Variants in NF1 observed in about 807,000 individuals in gnomAD.
The protein encoded by NF1 is neurofibromin.
A neutral mutation model predicts 325.7 loss-of-function variants in NF1; 122 were observed. The ratio of observed to expected loss-of-function variants is 0.37; its 90% CI spans 0.32 to 0.44. The LOEUF (loss-of-function observed/expected upper bound fraction) is 0.44. Among genes scored for constraint, NF1 ranks in the 20% least tolerant of loss-of-function variants. The probability of loss-of-function intolerance (pLI) is 1.00; values close to 1 mark genes in which losing one functional copy is unlikely to be tolerated. For synonymous variants in NF1, 1,091 were observed against 1,186.0 expected, an observed-to-expected ratio of 0.92 and a Z score of 1.65; for missense variants, 2,140 against 3,415.4, an observed-to-expected ratio of 0.63 and a Z score of 9.31.
chr17:31,177,722 T>C (rs974456680), intron 5 of NF1, among the ~76,000 whole-genome samples: 4 of 151,778 alleles, frequency 2.6e-5, no homozygotes, highest in Admixed American at 6.6e-5. Flanking sequence ...TCGTGAAGCA[T>C]ACACAAGTAT....
At chr17:31,163,815 G>A (rs2065802767) in intron 4 of NF1, among the ~76,000 whole-genome samples, 1 of 152,190 alleles carries the variant, frequency 6.6e-6, no homozygotes, top group African/African-American at 2.4e-5. Flanking sequence ...AATAATTAAT[G>A]AGAGTAGTCA....
At chr17:31,234,670 CAAAAAAAAA>C (rs754308242) in intron 27 of NF1, among the ~76,000 whole-genome samples, 4 of 56,236 alleles carry the variant, frequency 7.1e-5, no homozygotes, top group African/African-American at 1.2e-4. Context: ...GACTCTGTCT[CAAAAAAAAA>C]AAAAAAAAAA....
At chr17:31,342,352 C>G (rs1326373342) in intron 47 of NF1, among the ~76,000 whole-genome samples, 2 of 152,136 alleles carry the variant, frequency 1.3e-5, no homozygotes, top group African/African-American at 4.8e-5. Flanking sequence ...AATTCCAGCA[C>G]TCTGGGAGGC....
intron 29 of NF1, 119 bp downstream of exon 29, chr17:31,236,140 A>G: frequency 2.7e-6 from 2 of 733,586 alleles, no homozygotes; most frequent in Non-Finnish European, 4.6e-6. Flanking sequence ...ATTAGTTTTT[A>G]ATTATAAAAG....
chr17:31,278,407 GTTTTTT>G (rs376109355), intron 36 of NF1, among the ~76,000 whole-genome samples: 3 of 109,548 alleles, frequency 2.7e-5, no homozygotes, highest in African/African-American at 8.7e-5. Context: ...GATTTTTTGG[GTTTTTT>G]TTTTTTTTTT....
intron 31 of NF1, among the ~76,000 whole-genome samples, chr17:31,257,007 A>G (rs1288455919): frequency 6.6e-6 from 1 of 152,212 alleles, no homozygotes; most frequent in Non-Finnish European, 1.5e-5. Context: ...CAGTGATAAC[A>G]CATTTAAAAT....
chr17:31,122,320 TGAG>T (rs944524030), intron 1 of NF1, among the ~76,000 whole-genome samples: 1 of 152,116 alleles, frequency 6.6e-6, no homozygotes, highest in African/African-American at 2.4e-5. Flanking sequence ...GAATAAGAGT[TGAG>T]GAGAGGGAGG....
intron 34 of NF1, 94 bp downstream of exon 34, chr17:31,260,609 T>C: frequency 7.2e-7 from 1 of 1,393,896 alleles, no homozygotes; most frequent in Non-Finnish European, 1.0e-6. Context: ...TTACTTTGCA[T>C]CTTCTTGGAC....
intron 39 of NF1, chr17:31,330,773 C>G (rs754583889): frequency 5.8e-6 from 2 of 345,112 alleles, no homozygotes; most frequent in Non-Finnish European, 1.1e-5. Context: ...AAAGTATTTT[C>G]TTCACTGTTG....
At chr17:31,304,886 A>T (rs1220982723) in intron 36 of NF1, 1 of 1,614,012 alleles carries the variant, frequency 6.2e-7, no homozygotes, top group Non-Finnish European at 8.5e-7. Flanking sequence ...GCAAATGGAG[A>T]TCTACCTGCC....
In NF1 at chr17:31,305,566, A is replaced by G. The variant is rs768424280; in HGVS notation, c.4836-20254A>G. On this transcript the variant is annotated intron_variant, in intron 36 of 57. Coordinates refer to ENST00000358273, the MANE Select transcript of NF1 (RefSeq NM_001042492.3). ...TGTCTTTGAAAAAAATGTATTGTTC[A>G]GGTGTCCACAAAACAAAATTAAGAT... 1.9e-6 allele frequency: 3 copies of G among 1,613,906 alleles called. No homozygotes were observed. The South Asian group carries it at 3.3e-5, about 18-fold the overall frequency.
chr17:31,181,560 T>A (rs2143775803), intron 6 of NF1, 71 bp downstream of exon 6: 1 of 1,462,726 alleles, frequency 6.8e-7, no homozygotes, highest in South Asian at 1.1e-5. Flanking sequence ...GCATCCTGAA[T>A]CAAAAAGTTA....
chr17:31,349,228 C>T lies in NF1; in HGVS notation c.7298C>T (p.Thr2433Ile), dbSNP rs755749772. The change falls in exon 49 of 58, where the codon ACA (threonine) becomes ATA (isoleucine). Residue 2433 changes from threonine to isoleucine, a missense_variant. This residue lies in a region of NF1 where 522 missense variants were observed against 749.0 expected (regional missense o/e 0.70). Coordinates refer to ENST00000358273, the MANE Select transcript of NF1 (RefSeq NM_001042492.3). ...HRNCDKFEVN[T>I]QSVAYLAALL... ...AATTGTGACAAATTTGAAGTGAATA[C>T]ACAGAGCGTGGCCTACTTAGCAGGT... 2.9e-5 allele frequency: 47 copies of T among 1,613,140 alleles called. No individual in the cohort carries two copies. Among genetic ancestry groups the T allele is most frequent in the Admixed American group, 1.2e-4 (7 of 59,980 alleles).
chr17:31,285,444 G>A (rs1016063845), intron 36 of NF1, among the ~76,000 whole-genome samples: 1 of 152,164 alleles, frequency 6.6e-6, no homozygotes, highest in African/African-American at 2.4e-5. Flanking sequence ...TTTTGGAAGT[G>A]TTGTCAAAGT....
intron 8 of NF1, among the ~76,000 whole-genome samples, chr17:31,191,269 G>A (rs1008985103): frequency 1.3e-5 from 2 of 152,004 alleles, no homozygotes; most frequent in African/African-American, 2.4e-5. Flanking sequence ...AAATTATGTT[G>A]TGTACCTATA....
intron 13 of NF1, among the ~76,000 whole-genome samples, chr17:31,217,575 G>A (rs910975574): frequency 6.6e-6 from 1 of 151,974 alleles, no homozygotes; most frequent in African/African-American, 2.4e-5. Context: ...AAAGTGCTGG[G>A]ATTACAGGCA....
At chr17:31,117,955 G>A (rs575746162) in intron 1 of NF1, among the ~76,000 whole-genome samples, 262 of 152,280 alleles carry the variant, frequency 1.7e-3, no homozygotes, top group African/African-American at 5.5e-3. Flanking sequence ...CAATGTTTGT[G>A]AATTAGGCTG....
chr17:31,156,454 G>GAC (rs1198250435), intron 2 of NF1, among the ~76,000 whole-genome samples: 5 of 152,016 alleles, frequency 3.3e-5, no homozygotes, highest in Non-Finnish European at 5.9e-5. Context: ...AGCTTTTGTG[G>GAC]CCTACACGAA....
intron 1 of NF1, among the ~76,000 whole-genome samples, chr17:31,105,309 T>C (rs920462452): frequency 2.0e-5 from 3 of 152,228 alleles, no homozygotes; most frequent in Non-Finnish European, 4.4e-5. Flanking sequence ...CATTATGTTC[T>C]AAAACTTTAC....
Sources: allele counts gnomAD v4.1 joint callset (sites outside exome capture counted in the v4.1 genomes callset), GRCh38; gene constraint gnomAD v4.1.1; regional missense constraint gnomAD v4.1.1; transcripts MANE v1.5; gene names NCBI Gene and HGNC (gene_info 2026-07-23, HGNC 2026-07-21).